AIRIM: variants seen among roughly 807,000 people sequenced by gnomAD.
AIRIM encodes the protein AFG2 interacting ribosome maturation factor.
chr1:37,681,837 TAC>T, the AIRIM span: 1 of 152,212 alleles, frequency 6.6e-6, no homozygotes, highest in Non-Finnish European at 1.5e-5. Context: ...GAGCTATATT[TAC>T]AGATATAAAA....
the AIRIM span, among the ~76,000 whole-genome samples, chr1:37,687,462 A>T: frequency 4.8e-3 from 366 of 76,414 alleles, 5 homozygotes; most frequent in African/African-American, 0.024. Context: ...TAAAACATTT[A>T]AAAAAAAAAA....
the AIRIM span, among the ~76,000 whole-genome samples, chr1:37,687,439 A>AT: frequency 3.3e-5 from 5 of 150,012 alleles, no homozygotes; most frequent in Admixed American, 2.0e-4. Context: ...GCTAATATAT[A>AT]TTTTTTTTTA....
At chr1:37,688,839 G>A in the AIRIM span, among the ~76,000 whole-genome samples, 6 of 152,088 alleles carry the variant, frequency 3.9e-5, no homozygotes, top group East Asian at 1.9e-4. Flanking sequence ...GGAAGTGCAC[G>A]CTTGTTGTCC....
chr1:37,686,316 T>C, the AIRIM span: 5 of 1,613,994 alleles, frequency 3.1e-6, no homozygotes, highest in African/African-American at 5.3e-5. Context: ...CATTCCAACA[T>C]GTCAGCCACA....
the AIRIM span, chr1:37,690,522 C>T: frequency 5.9e-6 from 7 of 1,177,986 alleles, no homozygotes; most frequent in South Asian, 6.3e-5. Flanking sequence ...CACAGTCTCT[C>T]TGCGCATGCT....
At chr1:37,686,513 A>C in the AIRIM span, 7 of 1,516,158 alleles carry the variant, frequency 4.6e-6, no homozygotes, top group Non-Finnish European at 5.4e-6. Context: ...AAGGTTTCTC[A>C]ATTTTGGCAC....
the AIRIM span, chr1:37,681,625 A>G: frequency 6.6e-6 from 1 of 152,220 alleles, no homozygotes; most frequent in African/African-American, 2.4e-5. Flanking sequence ...TAATTCCTGG[A>G]AAAATAAATA....
the AIRIM span, chr1:37,686,502 G>A: frequency 6.4e-7 from 1 of 1,564,972 alleles, no homozygotes; most frequent in Non-Finnish European, 8.7e-7. Flanking sequence ...ATGTATAAAG[G>A]AAGGTTTCTC....
the AIRIM span, chr1:37,683,152 A>G: frequency 3.5e-5 from 57 of 1,612,542 alleles, no homozygotes; most frequent in East Asian, 1.2e-3. Context: ...GAAACATTCA[A>G]TAGGATATCT....
the AIRIM span, chr1:37,690,337 G>T: frequency 7.8e-7 from 1 of 1,290,320 alleles, no homozygotes; most frequent in Non-Finnish European, 1.0e-6. Context: ...GGGTAACCTG[G>T]ATAGGGCAGT....
the AIRIM span, among the ~76,000 whole-genome samples, chr1:37,684,563 G>C: frequency 7.0e-4 from 107 of 152,312 alleles, no homozygotes; most frequent in Non-Finnish European, 1.3e-3. Flanking sequence ...AGGTTGCAGT[G>C]AGCCAAGATC....
the AIRIM span, chr1:37,686,180 C>T: frequency 1.6e-6 from 2 of 1,244,208 alleles, no homozygotes. Context: ...AGAGAACTGA[C>T]TCAAACTACT....
At chr1:37,686,358 C>T in the AIRIM span, 1 of 1,614,132 alleles carries the variant, frequency 6.2e-7, no homozygotes, top group East Asian at 2.2e-5. Context: ...TGCAGGACAG[C>T]ATCAATGCCA....
the AIRIM span, chr1:37,686,481 T>C: frequency 2.7e-5 from 44 of 1,602,474 alleles, no homozygotes; most frequent in Admixed American, 2.7e-4. Flanking sequence ...CATTAGGCAA[T>C]ATCATGAGAC....
the AIRIM span, chr1:37,683,825 T>C: frequency 1.2e-5 from 2 of 167,790 alleles, no homozygotes; most frequent in Admixed American, 1.2e-4. Flanking sequence ...GAGGTGGAGA[T>C]GCATAGAATG....
chr1:37,688,444 A>G, the AIRIM span, among the ~76,000 whole-genome samples: 1 of 152,150 alleles, frequency 6.6e-6, no homozygotes, highest in Non-Finnish European at 1.5e-5. Flanking sequence ...TCCTCCCCAG[A>G]AACTTCCCCA....
the AIRIM span, among the ~76,000 whole-genome samples, chr1:37,685,071 C>T: frequency 2.0e-5 from 3 of 152,034 alleles, no homozygotes; most frequent in Non-Finnish European, 2.9e-5. Flanking sequence ...CCCTTGCCCC[C>T]ACTACCCCAA....
the AIRIM span, among the ~76,000 whole-genome samples, chr1:37,688,776 G>C: frequency 1.3e-5 from 2 of 152,018 alleles, no homozygotes; most frequent in South Asian, 4.2e-4. Flanking sequence ...TCTCAGCCTG[G>C]GCAACATAGT....
the AIRIM span, among the ~76,000 whole-genome samples, chr1:37,687,096 G>GTA: frequency 2.2e-4 from 31 of 141,036 alleles, no homozygotes; most frequent in South Asian, 6.5e-3. Context: ...GTGTGTGTGT[G>GTA]TGTGTGTGTG....
Sources: allele counts gnomAD v4.1 joint callset (sites outside exome capture counted in the v4.1 genomes callset), GRCh38; gene constraint gnomAD v4.1.1; transcripts MANE v1.5; gene names NCBI Gene and HGNC (gene_info 2026-07-23, HGNC 2026-07-21).